The following LEF1 variants were observed in gnomAD, a reference collection of about 807,000 sequenced individuals.
LEF1 encodes lymphoid enhancer-binding factor 1.
LEF1 carries 14 observed loss-of-function variants against 51.2 expected under a neutral mutation model. The ratio of observed to expected loss-of-function variants is 0.27; its 90% CI spans 0.18 to 0.43. The LOEUF (loss-of-function observed/expected upper bound fraction) is 0.43, where lower values mean the gene tolerates loss of function less well. LEF1 is among the 20% of genes least tolerant of loss of function. The probability of loss-of-function intolerance (pLI) is 1.00; values close to 1 mark genes in which losing one functional copy is unlikely to be tolerated. For synonymous variants in LEF1, 185 were observed against 183.2 expected, an observed-to-expected ratio of 1.01 and a Z score of -0.08; for missense variants, 386 against 512.0, an observed-to-expected ratio of 0.75 and a Z score of 2.37.
intron 11 of LEF1, among the ~76,000 whole-genome samples, chr4:108,052,912 C>A (rs1296131007): frequency 6.6e-6 from 1 of 152,218 alleles, no homozygotes; most frequent in East Asian, 1.9e-4. Context: ...CAGTTTGCAT[C>A]TTCCCACCCA....
At chr4:108,090,862 A>G (rs1444124534) in intron 3 of LEF1, among the ~76,000 whole-genome samples, 2 of 152,094 alleles carry the variant, frequency 1.3e-5, no homozygotes, top group East Asian at 3.8e-4. Context: ...GACTCAATAA[A>G]CCCTTCACCA....
intron 3 of LEF1, among the ~76,000 whole-genome samples, chr4:108,117,245 T>C (rs1380375634): frequency 2.0e-5 from 3 of 152,064 alleles, no homozygotes; most frequent in Non-Finnish European, 4.4e-5. Flanking sequence ...CATATAAACA[T>C]TTTTTAAAAA....
intron 4 of LEF1, among the ~76,000 whole-genome samples, chr4:108,084,878 C>T (rs924752967): frequency 6.6e-6 from 1 of 151,998 alleles, no homozygotes; most frequent in South Asian, 2.1e-4. Flanking sequence ...CAACTTGCTG[C>T]CCCCTTAACT....
At chr4:108,100,251 A>G (rs1410836950) in intron 3 of LEF1, among the ~76,000 whole-genome samples, 1 of 152,210 alleles carries the variant, frequency 6.6e-6, no homozygotes, top group African/African-American at 2.4e-5. Flanking sequence ...AAGCTCTCAA[A>G]TAAGTCAAGC....
Position 108,047,890 on chromosome 4 carries a change from A to G in LEF1, c.*868T>C, listed in dbSNP as rs1736720215. 6.6e-6 allele frequency: 1 copy of G among 152,646 alleles called. No individual in the cohort carries two copies. Among genetic ancestry groups the G allele is most frequent in the Non-Finnish European group, 1.5e-5 (1 of 68,030 alleles). 9.5% of individuals were successfully genotyped at this position (152,646 alleles called of 1,614,324 possible). A position where few individuals can be genotyped will look rare whatever the true frequency, so the allele number is the denominator to read the frequency against. On this transcript the variant is annotated 3_prime_UTR_variant, in exon 12 of 12. Coordinates refer to ENST00000265165, the MANE Select transcript of LEF1 (RefSeq NM_016269.5). ...TTACTGTTTAAAAAAAGAAAAGAAG[A>G]AAACAGAAGAAAAAATAAACTGAAA...
chr4:108,146,277 A>T (rs1560822423), intron 3 of LEF1, among the ~76,000 whole-genome samples: 1 of 152,240 alleles, frequency 6.6e-6, no homozygotes, highest in Non-Finnish European at 1.5e-5. Context: ...TCTATGAGAG[A>T]GTGAGCAGAG....
intron 3 of LEF1, among the ~76,000 whole-genome samples, chr4:108,154,532 C>T (rs1744570747): frequency 7.0e-6 from 1 of 142,766 alleles, no homozygotes; most frequent in Non-Finnish European, 1.5e-5. Context: ...ACTTAAAATT[C>T]TAATGTATGA....
intron 3 of LEF1, among the ~76,000 whole-genome samples, chr4:108,139,520 G>A (rs187970034): frequency 3.3e-5 from 5 of 152,288 alleles, no homozygotes; most frequent in South Asian, 2.1e-4. Flanking sequence ...GGTGCAGGCC[G>A]GGCTCCACAG....
At chr4:108,154,868 G>T (rs920020042) in intron 3 of LEF1, among the ~76,000 whole-genome samples, 1 of 152,096 alleles carries the variant, frequency 6.6e-6, no homozygotes, top group South Asian at 2.1e-4. Flanking sequence ...ACATTCATGG[G>T]ATTTTACTGA....
chr4:108,057,218 C>G (rs1737363603), intron 11 of LEF1, among the ~76,000 whole-genome samples: 1 of 151,962 alleles, frequency 6.6e-6, no homozygotes, highest in South Asian at 2.1e-4. Context: ...TTTTCACTTT[C>G]TAGTTGTTGA....
chr4:108,131,651 T>G (rs1311812644), intron 3 of LEF1, among the ~76,000 whole-genome samples: 1 of 152,168 alleles, frequency 6.6e-6, no homozygotes, highest in African/African-American at 2.4e-5. Context: ...CAAGCTGATA[T>G]AAGCTACTAG....
intron 3 of LEF1, among the ~76,000 whole-genome samples, chr4:108,158,418 AAGAG>A (rs145164137): frequency 3.3e-5 from 5 of 150,224 alleles, no homozygotes; most frequent in South Asian, 4.2e-4. Context: ...CCCTTAAAAA[AAGAG>A]AGAGAGAGAG....
intron 3 of LEF1, among the ~76,000 whole-genome samples, chr4:108,096,417 G>T (rs888953811): frequency 6.6e-6 from 1 of 152,158 alleles, no homozygotes; most frequent in African/African-American, 2.4e-5. Flanking sequence ...CTGGATCACA[G>T]ACATGAAAAA....
intron 3 of LEF1, among the ~76,000 whole-genome samples, chr4:108,111,473 C>T (rs1246696226): frequency 5.9e-5 from 9 of 152,188 alleles, no homozygotes. Flanking sequence ...GAGGGGAAAA[C>T]AGGAGATGCC....
At chr4:108,131,748 C>A (rs1742912628) in intron 3 of LEF1, among the ~76,000 whole-genome samples, 1 of 151,982 alleles carries the variant, frequency 6.6e-6, no homozygotes, top group Non-Finnish European at 1.5e-5. Flanking sequence ...CTAGATAAAA[C>A]CCTGCCTTTA....
intron 9 of LEF1, among the ~76,000 whole-genome samples, chr4:108,069,376 A>G (rs1200882699): frequency 6.6e-6 from 1 of 152,004 alleles, no homozygotes; most frequent in Non-Finnish European, 1.5e-5. Flanking sequence ...ATAAAATAAA[A>G]GTCTTTGCCC....
intron 11 of LEF1, among the ~76,000 whole-genome samples, chr4:108,062,798 A>T (rs1171997415): frequency 6.6e-6 from 1 of 152,164 alleles, no homozygotes. Flanking sequence ...CAGACCCCAA[A>T]GACAGGGATT....
intron 11 of LEF1, among the ~76,000 whole-genome samples, chr4:108,060,923 A>G (rs1737645908): frequency 6.6e-6 from 1 of 152,170 alleles, no homozygotes. Context: ...ATACAAACAG[A>G]ATGTTTCTGA....
intron 3 of LEF1, among the ~76,000 whole-genome samples, chr4:108,135,078 T>C (rs1322857294): frequency 6.6e-6 from 1 of 152,126 alleles, no homozygotes; most frequent in African/African-American, 2.4e-5. Flanking sequence ...CAATAAAACA[T>C]TGCAAGTTGA....
Sources: gnomAD v4.1 joint callset for allele counts (sites outside exome capture counted in the v4.1 genomes callset) on GRCh38, gnomAD v4.1.1 for gene constraint, MANE v1.5 for transcripts, NCBI Gene and HGNC (gene_info 2026-07-23, HGNC 2026-07-21) for gene names.